The following NRG1 variants were observed in gnomAD, a reference collection of about 807,000 sequenced individuals.
NRG1 encodes neuregulin 1, also known as pro-neuregulin-1, membrane-bound isoform.
In NRG1, 18 loss-of-function variants were observed where a neutral mutation model predicts 63.8. That is an observed-to-expected ratio of 0.28 (90% CI 0.19 to 0.42). NRG1 has a LOEUF of 0.42. Among genes scored for constraint, NRG1 ranks in the 10% least tolerant of loss-of-function variants. The pLI is 1.00. For synonymous variants in NRG1, 302 were observed against 301.3 expected (o/e 1.00, Z -0.02); for missense variants, 762 against 814.7 (o/e 0.94, Z 0.79).
intron 6 of NRG1, among the ~76,000 whole-genome samples, chr8:32,729,916 CTCT>C (rs1227094994): frequency 3.9e-5 from 6 of 152,102 alleles, no homozygotes; most frequent in Non-Finnish European, 1.5e-5. Flanking sequence ...CACTCTAAAG[CTCT>C]TCTTTGAAAA....
At chr8:31,744,010 C>T (rs960467214) in intron 1 of NRG1, among the ~76,000 whole-genome samples, 1 of 152,010 alleles carries the variant, frequency 6.6e-6, no homozygotes, top group South Asian at 2.1e-4. Flanking sequence ...GAAGAAACTA[C>T]ATTTTAAAAA....
chr8:31,886,753 G>A (rs1445790445), intron 1 of NRG1, among the ~76,000 whole-genome samples: 1 of 152,056 alleles, frequency 6.6e-6, no homozygotes, highest in Non-Finnish European at 1.5e-5. Flanking sequence ...TGATTCGAAT[G>A]CATGCTCTAG....
At chr8:31,889,831 T>C (rs767074911) in intron 1 of NRG1, among the ~76,000 whole-genome samples, 37 of 152,240 alleles carry the variant, frequency 2.4e-4, no homozygotes, top group Non-Finnish European at 4.6e-4. Flanking sequence ...CTTACTGGTT[T>C]GCATGTTCCA....
Position 32,463,874 on chromosome 8 carries a change from C to CTTTTTTTTTTT in NRG1, c.38-131925_38-131915dup, listed in dbSNP as rs756489856. Among the ~76,000 whole-genome samples the CTTTTTTTTTTT allele has an allele frequency of 2.9e-3, 121 of 42,340 alleles. 20 individuals are homozygous for CTTTTTTTTTTT. Among genetic ancestry groups the CTTTTTTTTTTT allele is most frequent in the East Asian group, 0.011 (9 of 836 alleles). The allele number at this position is 42,340 out of a possible 152,430, so 27.8% of individuals were successfully genotyped here. ...ACACACACGAAAAAAACTTAGAATT[C>CTTTTTTTTTTT]TTTTTTTTTTTTTTTTTTTTTTTTT... On this transcript the variant is annotated intron_variant, in intron 1 of 10. Transcript: ENST00000519301.
chr8:32,022,495 A>G (rs1354378026), intron 1 of NRG1, among the ~76,000 whole-genome samples: 1 of 152,196 alleles, frequency 6.6e-6, no homozygotes, highest in Non-Finnish European at 1.5e-5. Flanking sequence ...CTAGTATCAG[A>G]GAGCTCTATT....
intron 1 of NRG1, among the ~76,000 whole-genome samples, chr8:31,866,023 A>G (rs986552906): frequency 2.6e-5 from 4 of 152,124 alleles, no homozygotes; most frequent in South Asian, 2.1e-4. Context: ...CTCACATTTC[A>G]TGTGCGGTTC....
intron 1 of NRG1, among the ~76,000 whole-genome samples, chr8:32,294,514 G>A (rs1035083931): frequency 2.0e-5 from 3 of 152,088 alleles, no homozygotes; most frequent in Non-Finnish European, 2.9e-5. Context: ...CTAGATTCCA[G>A]CCCTGTGTAG....
chr8:32,621,207 AT>A (rs1450652379), intron 5 of NRG1, among the ~76,000 whole-genome samples: 2 of 152,152 alleles, frequency 1.3e-5, no homozygotes, highest in African/African-American at 4.8e-5. Flanking sequence ...TGTTAATTAT[AT>A]TTTTAAGTTC....
At chr8:31,872,984 C>A (rs976477330) in intron 1 of NRG1, among the ~76,000 whole-genome samples, 23 of 152,194 alleles carry the variant, frequency 1.5e-4, no homozygotes, top group African/African-American at 5.5e-4. Context: ...TTTTGAATTT[C>A]TTGGGCCAAT....
intron 5 of NRG1, among the ~76,000 whole-genome samples, chr8:32,706,613 A>C (rs1168304341): frequency 6.6e-6 from 1 of 152,022 alleles, no homozygotes; most frequent in Non-Finnish European, 1.5e-5. Flanking sequence ...ATAAAATGAC[A>C]TTTGTTTTAA....
chr8:32,609,564 T>C lies in NRG1; in HGVS notation c.400+3881T>C, dbSNP rs866146617. On this transcript the variant is annotated intron_variant, in intron 3 of 11. Coordinates refer to ENST00000356819, the Ensembl canonical transcript of NRG1. Reference sequence around the variant, plus strand: ...TTTCCTTCCCTCCCTCCTTCCTTCCTTCCTTCCTTCCTTCCTTCCTTCCTT... The same window carrying C: ...TTTCCTTCCCTCCCTCCTTCCTTCCCTCCTTCCTTCCTTCCTTCCTTCCTT... Among the ~76,000 whole-genome samples the C allele has an allele frequency of 6.5e-3, 500 of 77,194 alleles. 6 individuals carry two copies. The highest frequency in any genetic ancestry group is 0.031 in the African/African-American group (458 of 14,794). 50.6% of individuals were successfully genotyped at this position (77,194 alleles called of 152,430 possible).
In NRG1 at chr8:32,572,769, C is replaced by A. The variant is rs548837151; in HGVS notation, c.101-23059C>A. ...TTACATTCTACAGGCCTCATTTCCT[C>A]TGTCTGATAACTGTCCTCACCCAAG... On this transcript the variant is annotated intron_variant, in intron 1 of 11. Transcript: ENST00000356819. 9.2e-5 allele frequency among the ~76,000 whole-genome samples: 14 copies of A among 152,300 alleles called. No individual in the cohort carries two copies. In the South Asian group the frequency reaches 2.7e-3, roughly 29 times the overall value.
At chr8:32,409,750 T>G (rs1477997581) in intron 1 of NRG1, among the ~76,000 whole-genome samples, 1 of 152,226 alleles carries the variant, frequency 6.6e-6, no homozygotes, top group African/African-American at 2.4e-5. Context: ...TTAACTTCTC[T>G]CTCTTTTTCT....
At chr8:32,413,747 C>T (rs955220356) in intron 1 of NRG1, among the ~76,000 whole-genome samples, 2 of 152,126 alleles carry the variant, frequency 1.3e-5, no homozygotes, top group African/African-American at 2.4e-5. Context: ...CATGCATAGG[C>T]AGTGTGCATC....
At chr8:32,008,843 G>A (rs902630566) in intron 1 of NRG1, among the ~76,000 whole-genome samples, 4 of 152,054 alleles carry the variant, frequency 2.6e-5, no homozygotes, top group African/African-American at 9.7e-5. Flanking sequence ...ACTTGTGCCT[G>A]CTAATCTTGT....
intron 1 of NRG1, among the ~76,000 whole-genome samples, chr8:32,296,985 C>T (rs754435056): frequency 3.3e-5 from 5 of 151,858 alleles, no homozygotes; most frequent in Non-Finnish European, 5.9e-5. Context: ...CGTGGTGGCC[C>T]GCACCTGTAG....
In NRG1 at chr8:31,962,011, C is replaced by A. The variant is rs146557635; in HGVS notation, c.37+322580C>A. On this transcript the variant is annotated intron_variant, in intron 1 of 10. Transcript: ENST00000519301. ...TGGAGGCATTACTCATGAACTTTGG[C>A]AGATCTTTTTTGGTGTGTCTGAAAG... Among the ~76,000 whole-genome samples the A allele has an allele frequency of 2.2e-3, 342 of 152,124 alleles. 1 individual carries two copies. Among genetic ancestry groups the A allele is most frequent in the African/African-American group, 7.9e-3 (330 of 41,532 alleles).
intron 1 of NRG1, among the ~76,000 whole-genome samples, chr8:32,002,894 GT>G (rs1200680960): frequency 1.2e-4 from 18 of 152,082 alleles, no homozygotes; most frequent in African/African-American, 3.9e-4. Context: ...TATTCCCCTT[GT>G]TTTTTTCTGT....
chr8:31,871,051 C>T (rs1325351583), intron 1 of NRG1, among the ~76,000 whole-genome samples: 3 of 151,486 alleles, frequency 2.0e-5, no homozygotes, highest in Non-Finnish European at 4.4e-5. Context: ...CACCAGGCTC[C>T]CTGCAATTTC....
Sources: allele counts gnomAD v4.1 joint callset (sites outside exome capture counted in the v4.1 genomes callset), GRCh38; gene constraint gnomAD v4.1.1; transcripts MANE v1.5; gene names NCBI Gene and HGNC (gene_info 2026-07-23, HGNC 2026-07-21).